The following ZNF518A variants were observed in gnomAD, a reference collection of about 807,000 sequenced individuals.
The protein encoded by ZNF518A is zinc finger protein 518.
ZNF518A carries 47 observed loss-of-function variants against 102.7 expected under a neutral mutation model. The observed-to-expected ratio is 0.46, with a 90% CI of 0.36 to 0.58. ZNF518A has a LOEUF of 0.58. Ranked by LOEUF, ZNF518A falls within the 20% of genes least tolerant of loss-of-function variation. The pLI is 0.00. For missense variants in ZNF518A, 1,793 were observed against 1,699.8 expected (o/e 1.05, Z -0.96); for synonymous variants, 652 against 594.6 (o/e 1.10, Z -1.40).
chr10:96,192,948 A>AT (rs1443604964), intron 1 of ZNF518A, among the ~76,000 whole-genome samples: 5 of 152,248 alleles, frequency 3.3e-5, no homozygotes, highest in African/African-American at 9.6e-5. Context: ...TATTTTCTCG[A>AT]TTTTTTAGAT....
At chr10:96,187,365 G>A (rs1011537053) in intron 1 of ZNF518A, among the ~76,000 whole-genome samples, 2 of 152,114 alleles carry the variant, frequency 1.3e-5, no homozygotes, top group African/African-American at 2.4e-5. Context: ...GAGTTATATG[G>A]TGTCTTAAGA....
chr10:96,155,525 A>G (rs1436809218), intron 4 of ZNF518A, 149 bp downstream of exon 4: 1 of 152,224 alleles, frequency 6.6e-6, no homozygotes, highest in Non-Finnish European at 1.5e-5. Flanking sequence ...GAGTAGATGG[A>G]CTTTAGGACT....
chr10:96,160,568 G>C lies in ZNF518A; in HGVS notation c.4246G>C (p.Val1416Leu). ...CAAAACATTTAAACCTGTTAGTTCT[G>C]TGAAAGAAAGATTTGTGCTAAAATT... Reference protein sequence around the residue: ...RHKTFKPVSSVKERFVLKLTL... With the variant: ...RHKTFKPVSSLKERFVLKLTL... Residue 1416 changes from valine to leucine, a missense_variant, in exon 6 of 6, where the codon GTG (valine) becomes CTG (leucine). Physicochemically the swap from Val to Leu is conservative, Grantham distance 32 (BLOSUM62 1). This residue lies in a region of ZNF518A where 1,741 missense variants were observed against 1,622.6 expected (regional missense o/e 1.07). Transcript: ENST00000316045. 1 of 1,611,924 alleles carries C rather than the reference G, an allele frequency of 6.2e-7. No homozygotes were observed. Among genetic ancestry groups the C allele is most frequent in the Non-Finnish European group, 8.5e-7 (1 of 1,179,170 alleles).
chr10:96,133,756 A>G (rs1254397414), intron 3 of ZNF518A, 108 bp downstream of exon 3: 3 of 152,208 alleles, frequency 2.0e-5, no homozygotes, highest in Admixed American at 6.5e-5. Context: ...TTTAATTATC[A>G]TAATAACCGT....
At chr10:96,199,746 G>A (rs972814518) in intron 1 of ZNF518A, among the ~76,000 whole-genome samples, 3 of 152,154 alleles carry the variant, frequency 2.0e-5, no homozygotes, top group South Asian at 2.1e-4. Flanking sequence ...TTGGCCGGGC[G>A]CGGTGGCTCA....
At position 96,160,860 on chromosome 10, in the gene ZNF518A, A is replaced by C. The variant is rs999151130; in HGVS notation, c.*86A>C. 1 of 1,348,884 alleles carries C rather than the reference A, an allele frequency of 7.4e-7. No individual in the cohort carries two copies. Among genetic ancestry groups the C allele is most frequent in the African/African-American group, 1.5e-5 (1 of 67,476 alleles). 83.6% of individuals were successfully genotyped at this position (1,348,884 alleles called of 1,614,324 possible). On this transcript the variant is annotated 3_prime_UTR_variant, in exon 6 of 6. Coordinates refer to ENST00000316045, the MANE Select transcript of ZNF518A (RefSeq NM_001330736.2). ...AGTTACCATAATGCAGACATTTTCT[A>C]CTTCAGTATAGTACCTGAAATCGAA...
chr10:96,152,561 A>G (rs1207004527), intron 3 of ZNF518A, among the ~76,000 whole-genome samples: 1 of 152,228 alleles, frequency 6.6e-6, no homozygotes, highest in African/African-American at 2.4e-5. Context: ...ATACATACAC[A>G]GTCATACCTT....
chr10:96,189,232 C>T (rs2083292710), intron 1 of ZNF518A: 3 of 371,534 alleles, frequency 8.1e-6, no homozygotes, highest in South Asian at 7.4e-5. Context: ...GCAATGGAAC[C>T]TGGACAACAT....
Position 96,156,571 on chromosome 10 carries a change from A to G in ZNF518A, c.249A>G (p.Lys83=), listed in dbSNP as rs782718481. The G allele has an allele frequency of 6.2e-7, 1 of 1,613,398 alleles. No individual in the cohort carries two copies. Among genetic ancestry groups the G allele is most frequent in the Non-Finnish European group, 8.5e-7 (1 of 1,179,640 alleles). ...AGAGTAAACAGCAGACTGCAAGAAA[A>G]TCTATCAGTATAAAGACTGTAAGCT... is the stretch of plus-strand genomic sequence containing the variant. ...LFQSKQQTAR[K]SISIKTVSCV... Residue 83 remains lysine, a synonymous_variant, in exon 6 of 6, where the codon AAA becomes AAG. Transcript: ENST00000316045.
chr10:96,134,489 C>T (rs1484332645), intron 3 of ZNF518A, among the ~76,000 whole-genome samples: 1 of 152,204 alleles, frequency 6.6e-6, no homozygotes, highest in African/African-American at 2.4e-5. Flanking sequence ...CTGCTTTGGC[C>T]TCCCAAAGTG....
chr10:96,204,735 T>C, downstream of ZNF518A: 1 of 856,342 alleles, frequency 1.2e-6, no homozygotes, highest in Non-Finnish European at 1.9e-6. Flanking sequence ...GGAACATGTC[T>C]TAGTTACTGA....
intron 1 of ZNF518A, among the ~76,000 whole-genome samples, chr10:96,187,644 T>C (rs1178772487): frequency 2.0e-5 from 3 of 152,204 alleles, no homozygotes; most frequent in African/African-American, 4.8e-5. Context: ...TTGAAAATCT[T>C]TCCTACTACC....
chr10:96,182,168 C>T (rs1163615985), intron 1 of ZNF518A, among the ~76,000 whole-genome samples: 3 of 152,130 alleles, frequency 2.0e-5, no homozygotes, highest in Admixed American at 2.0e-4. Context: ...GTGATTTTTG[C>T]ACATTGATTT....
chr10:96,180,180 CTTTTTTTT>C (rs60561670), intron 1 of ZNF518A, among the ~76,000 whole-genome samples: 15 of 96,278 alleles, frequency 1.6e-4, no homozygotes, highest in South Asian at 3.8e-4. Context: ...GCTCCAGCCT[CTTTTTTTT>C]TTTTTTTTTT....
At chr10:96,150,761 T>G (rs1159213992) in intron 3 of ZNF518A, among the ~76,000 whole-genome samples, 2 of 120,488 alleles carry the variant, frequency 1.7e-5, no homozygotes, top group South Asian at 6.1e-4. Context: ...TTTTTTTTTT[T>G]TTGGAGACAG....
chr10:96,173,835 A>G (rs2083187657), intron 1 of ZNF518A, among the ~76,000 whole-genome samples: 1 of 152,200 alleles, frequency 6.6e-6, no homozygotes, highest in Non-Finnish European at 1.5e-5. Flanking sequence ...TCCAAAGAAC[A>G]TGGAACATTC....
At chr10:96,194,888 A>T (rs2133921470) in intron 1 of ZNF518A, among the ~76,000 whole-genome samples, 1 of 147,496 alleles carries the variant, frequency 6.8e-6, no homozygotes, top group Admixed American at 7.1e-5. Flanking sequence ...CTCCTGCCTC[A>T]GCCTCCTGTG....
chr10:96,135,783 T>C (rs868957782), intron 3 of ZNF518A, among the ~76,000 whole-genome samples: 1 of 152,282 alleles, frequency 6.6e-6, no homozygotes, highest in Middle Eastern at 3.4e-3. Flanking sequence ...TGCTTCTAGT[T>C]AGGAATTCAT....
intron 3 of ZNF518A, among the ~76,000 whole-genome samples, chr10:96,149,705 A>G (rs189545857): frequency 8.3e-4 from 127 of 152,168 alleles, no homozygotes; most frequent in Admixed American, 3.2e-3. Flanking sequence ...TTTTGTTGCT[A>G]TTGCTCCCTC....
Sources: allele counts gnomAD v4.1 joint callset (sites outside exome capture counted in the v4.1 genomes callset), GRCh38; gene constraint gnomAD v4.1.1; regional missense constraint gnomAD v4.1.1; transcripts MANE v1.5; gene names NCBI Gene and HGNC (gene_info 2026-07-23, HGNC 2026-07-21).